The following USP20 variants were observed in gnomAD, a reference collection of about 807,000 sequenced individuals.
USP20 encodes the protein ubiquitin specific peptidase 20, also known as ubiquitin carboxyl-terminal hydrolase 20.
Under a neutral mutation model 124.2 loss-of-function variants are expected in USP20, and 80 were observed. The observed-to-expected ratio is 0.64, with a 90% confidence interval of 0.54 to 0.78. The LOEUF (loss-of-function observed/expected upper bound fraction) is 0.78. Ranked by LOEUF, USP20 falls within the 30% of genes least tolerant of loss-of-function variation. The pLI, the probability that USP20 is intolerant of heterozygous loss-of-function variation, is 0.00. For synonymous variants in USP20, 481 were observed against 512.3 expected, an observed-to-expected ratio of 0.94 and a Z score of 0.83; for missense variants, 1,043 against 1,244.4, an observed-to-expected ratio of 0.84 and a Z score of 2.44.
intron 1 of USP20, among the ~76,000 whole-genome samples, chr9:129,836,963 AC>A (rs1367828195): frequency 6.8e-6 from 1 of 147,506 alleles, no homozygotes; most frequent in East Asian, 2.0e-4. Flanking sequence ...GGTACTGGAC[AC>A]TACTAAGGAA....
At position 129,879,273 on chromosome 9, in the gene USP20, C is replaced by T; in HGVS notation, c.2513-300C>T. 3 of 406,302 alleles carry T rather than the reference C, an allele frequency of 7.4e-6. No homozygotes were observed. The highest frequency in any genetic ancestry group is 8.9e-6 in the Non-Finnish European group (2 of 224,736). The allele number at this position is 406,302 out of a possible 1,614,324, so 25.2% of individuals were successfully genotyped here. On this transcript the variant is annotated intron_variant, in intron 23 of 25. Transcript: ENST00000372429. The surrounding 1 kb of genome is among the most constrained non-coding windows in gnomAD (Gnocchi z 4.2). ...TGGTTGCCGAGGCTAAATGAGATAG[C>T]TGGGCAGAGGGGAAGGGGCGTGGTG...
chr9:129,879,969 A>G lies in USP20; in HGVS notation c.2585-144A>G, dbSNP rs2131107410. The G allele has an allele frequency of 9.8e-7, 1 of 1,016,014 alleles. No individual in the cohort carries two copies. Among genetic ancestry groups the G allele is most frequent in the Non-Finnish European group, 1.4e-6 (1 of 706,970 alleles). The allele number at this position is 1,016,014 out of a possible 1,614,324, so 62.9% of individuals were successfully genotyped here. On this transcript the variant is annotated intron_variant, in intron 24 of 25. Transcript: ENST00000372429. This position sits in a 1 kb window ranked among gnomAD's most constrained non-coding sequence, Gnocchi z 4.2. ...ATGGACATTCCTCTGGGAAATCCTG[A>G]TTTCCATCTGACAGCTTTGCATAGA...
At chr9:129,875,733 AC>A in intron 21 of USP20, 92 bp downstream of exon 21, 1 of 1,250,526 alleles carries the variant, frequency 8.0e-7, no homozygotes, top group Non-Finnish European at 1.1e-6. Context: ...TGCCACCAGG[AC>A]CCCACACCAC....
At chr9:129,853,485 A>G (rs2033044560) in intron 3 of USP20, among the ~76,000 whole-genome samples, 1 of 152,152 alleles carries the variant, frequency 6.6e-6, no homozygotes, top group African/African-American at 2.4e-5. Flanking sequence ...CCTTGTAGAA[A>G]AGTCATTGCA....
At chr9:129,849,523 C>T (rs2032780226) in intron 1 of USP20, among the ~76,000 whole-genome samples, 1 of 152,138 alleles carries the variant, frequency 6.6e-6, no homozygotes, top group Non-Finnish European at 1.5e-5. Context: ...CTTTGGAAGG[C>T]CTGAGGTGGG....
chr9:129,871,718 G>A (rs537768344), intron 15 of USP20, among the ~76,000 whole-genome samples: 1 of 151,992 alleles, frequency 6.6e-6, no homozygotes, highest in Non-Finnish European at 1.5e-5. Context: ...TTTTTGTTTT[G>A]TTTTGTTTTG....
Position 129,881,545 on chromosome 9 carries a change from G to A in USP20, c.*1095G>A, listed in dbSNP as rs1188407597. 1 of 152,318 alleles carries A rather than the reference G, an allele frequency of 6.6e-6. No individual in the cohort carries two copies. Among genetic ancestry groups the A allele is most frequent in the African/African-American group, 2.4e-5 (1 of 41,478 alleles). The allele number at this position is 152,318 out of a possible 1,614,324, so 9.4% of individuals were successfully genotyped here. The stretch of plus-strand genomic sequence containing the variant: ...CACTACTGCGTCTTTGTTTCTATCA[G>A]TCTTTGTAGAAGCAGGTGGTGGTGG... On this transcript the variant is annotated 3_prime_UTR_variant, in exon 26 of 26. Coordinates refer to ENST00000372429, the MANE Select transcript of USP20 (RefSeq NM_001110303.4).
intron 15 of USP20, among the ~76,000 whole-genome samples, chr9:129,870,977 T>TA (rs2034094551): frequency 3.9e-5 from 6 of 152,208 alleles, no homozygotes. Flanking sequence ...CTTTTTTTTT[T>TA]ATTTCCAATT....
At chr9:129,876,079 C>T (rs1431439710) in intron 21 of USP20, 51 bp from the exon 22 acceptor site, 3 of 1,516,616 alleles carry the variant, frequency 2.0e-6, no homozygotes, top group Non-Finnish European at 2.7e-6. Context: ...TCACTCTCCC[C>T]TCCCTGGTAC....
chr9:129,853,884 G>A (rs1459369877), intron 3 of USP20, among the ~76,000 whole-genome samples: 1 of 152,186 alleles, frequency 6.6e-6, no homozygotes. Flanking sequence ...CTAGATCAGA[G>A]ACTGGGCTTG....
chr9:129,875,676 G>T lies in USP20; in HGVS notation c.2300+35G>T, dbSNP rs945226386. The T allele has an allele frequency of 1.2e-5, 19 of 1,601,140 alleles. 1 individual carries two copies. Among genetic ancestry groups the T allele is most frequent in the Non-Finnish European group, 1.5e-5 (17 of 1,169,566 alleles). On this transcript the variant is annotated intron_variant, in intron 21 of 25. Transcript: ENST00000372429. ...TGGGAGGCCAACTTGTCTCCGTCCT[G>T]TCCAGGGCCCAGCTGGGCAGGAAAA...
At chr9:129,837,747 A>T (rs1161764468) in intron 1 of USP20, among the ~76,000 whole-genome samples, 1 of 152,178 alleles carries the variant, frequency 6.6e-6, no homozygotes, top group African/African-American at 2.4e-5. Context: ...AAATTAGCGC[A>T]TTCTGGTTTG....
intron 10 of USP20, 106 bp downstream of exon 10, chr9:129,865,487 T>C: frequency 2.5e-6 from 3 of 1,224,072 alleles, no homozygotes; most frequent in Non-Finnish European, 3.6e-6. Context: ...TGAGCACTGG[T>C]TGGCAGGTCT....
intron 25 of USP20, 48 bp from the exon 26 acceptor site, chr9:129,880,419 G>A (rs1283645293): frequency 7.9e-6 from 9 of 1,145,016 alleles, no homozygotes; most frequent in Non-Finnish European, 9.7e-6. Context: ...ATGTGGGAGG[G>A]CCCTGGACAT....
intron 21 of USP20, among the ~76,000 whole-genome samples, 169 bp downstream of exon 21, chr9:129,875,810 G>C (rs563481270): frequency 6.8e-6 from 1 of 147,272 alleles, no homozygotes; most frequent in South Asian, 2.1e-4. Context: ...GACACATGTC[G>C]TTTGTGGGAA....
rs1317705096 is a variant in USP20, at chr9:129,876,124, G to A, written c.2301-6G>A. The A allele has an allele frequency of 6.2e-7, 1 of 1,611,538 alleles. No individual in the cohort carries two copies. The highest frequency in any genetic ancestry group is 8.5e-7 in the Non-Finnish European group (1 of 1,178,978). ...GCCGTGTCTCTCTCTCCCACCCTGGGCACAGATTCGGGGGTGGCCCCGCCG... is the reference window on the plus strand; with the variant it reads ...GCCGTGTCTCTCTCTCCCACCCTGGACACAGATTCGGGGGTGGCCCCGCCG... On this transcript the variant is annotated splice_region_variant and splice_polypyrimidine_tract_variant and intron_variant, in intron 21 of 25. Transcript: ENST00000372429.
At chr9:129,870,288 G>A (rs994377776) in intron 14 of USP20, 165 bp from the exon 15 acceptor site, 3 of 652,618 alleles carry the variant, frequency 4.6e-6, no homozygotes, top group African/African-American at 1.8e-5. Context: ...GGACACGGAC[G>A]TGTCTGGCTC....
chr9:129,875,328 C>T lies in USP20; in HGVS notation c.2067C>T (p.Ala689=). 4 of 1,610,726 alleles carry T rather than the reference C, an allele frequency of 2.5e-6. No individual in the cohort carries two copies. Among genetic ancestry groups the T allele is most frequent in the Non-Finnish European group, 3.4e-6 (4 of 1,178,798 alleles). The change falls in exon 20 of 26, where the codon GCC becomes GCT. Residue 689 remains alanine, a synonymous_variant. Coordinates refer to ENST00000372429, the MANE Select transcript of USP20 (RefSeq NM_001110303.4). The part of the protein sequence containing the change: ...VLFYRKSSEE[A]MRERQQVVSL... Reference sequence around the variant, plus strand: ...CCCACAGGAAGAGCAGCGAGGAGGCCATGCGGGAGCGACAGCAGGTGGTGT... The same window carrying T: ...CCCACAGGAAGAGCAGCGAGGAGGCTATGCGGGAGCGACAGCAGGTGGTGT...
At chr9:129,858,985 A>G (rs981585727) in intron 6 of USP20, among the ~76,000 whole-genome samples, 21 of 152,092 alleles carry the variant, frequency 1.4e-4, no homozygotes, top group Admixed American at 1.2e-3. Context: ...CAGATCTGAA[A>G]CCATTCCTAA....
Sources: allele counts gnomAD v4.1 joint callset (sites outside exome capture counted in the v4.1 genomes callset), GRCh38; gene constraint gnomAD v4.1.1; non-coding constraint Gnocchi (gnomAD v3.1); transcripts MANE v1.5; gene names NCBI Gene and HGNC (gene_info 2026-07-23, HGNC 2026-07-21).